NIM1K: variants seen among roughly 807,000 people sequenced by gnomAD.
NIM1K encodes NIM1 serine/threonine protein kinase, also known as serine/threonine-protein kinase NIM1.
NIM1K carries 35 observed loss-of-function variants against 37.1 expected under a neutral mutation model. That is an observed-to-expected ratio of 0.94 (90% CI 0.72 to 1.25). The LOEUF (loss-of-function observed/expected upper bound fraction) is 1.25, where lower values mean the gene tolerates loss of function less well. Among genes scored for constraint, NIM1K ranks in the 50% most tolerant of loss-of-function variants. NIM1K has a pLI of 0.00. For synonymous variants in NIM1K, 234 were observed against 206.6 expected, an observed-to-expected ratio of 1.13 and a Z score of -1.14; for missense variants, 564 against 548.0, an observed-to-expected ratio of 1.03 and a Z score of -0.29.
At chr5:43,276,998 T>A (rs1157556297) in intron 2 of NIM1K, 59 bp from the exon 3 acceptor site, 1 of 1,561,484 alleles carries the variant, frequency 6.4e-7, no homozygotes, top group Non-Finnish European at 8.7e-7. Flanking sequence ...CCAGGTCCTC[T>A]CCAGTTCTAA....
At chr5:43,223,688 C>T (rs1752412844) in intron 1 of NIM1K, among the ~76,000 whole-genome samples, 2 of 152,162 alleles carry the variant, frequency 1.3e-5, no homozygotes, top group Non-Finnish European at 2.9e-5. Flanking sequence ...AAATCAGCTT[C>T]ACTCCAGAGG....
intron 2 of NIM1K, among the ~76,000 whole-genome samples, chr5:43,259,845 C>T (rs977009420): frequency 1.3e-5 from 2 of 152,012 alleles, no homozygotes; most frequent in African/African-American, 2.4e-5. Context: ...GGGTCTTAGT[C>T]ACAAATTCTT....
intron 1 of NIM1K, among the ~76,000 whole-genome samples, chr5:43,220,893 G>A (rs1235704499): frequency 6.6e-6 from 1 of 152,176 alleles, no homozygotes; most frequent in East Asian, 1.9e-4. Context: ...GGGGGGACAT[G>A]AGAGAAGAAG....
intron 1 of NIM1K, among the ~76,000 whole-genome samples, chr5:43,243,812 G>C (rs907024715): frequency 6.6e-6 from 1 of 152,094 alleles, no homozygotes; most frequent in Non-Finnish European, 1.5e-5. Flanking sequence ...GTGTAGCTGA[G>C]ACTACAGGTG....
chr5:43,272,198 G>A (rs1478699677), intron 2 of NIM1K, among the ~76,000 whole-genome samples: 1 of 152,122 alleles, frequency 6.6e-6, no homozygotes, highest in Non-Finnish European at 1.5e-5. Context: ...TAACCCTAAT[G>A]TTTCAGGTCT....
Position 43,206,818 on chromosome 5 carries a change from T to G in NIM1K, c.-695+14407T>G. 3 of 767,656 alleles carry G rather than the reference T, an allele frequency of 3.9e-6. No homozygotes were observed. In the South Asian group the frequency reaches 4.0e-5, roughly 10 times the overall value. The allele number at this position is 767,656 out of a possible 1,614,324, so 47.6% of individuals were successfully genotyped here. A position where few individuals can be genotyped will look rare whatever the true frequency, so the allele number is the denominator to read the frequency against. On this transcript the variant is annotated intron_variant, in intron 1 of 3. Transcript: ENST00000326035. ...TTCCAGGATCAGGGGATGGTGGAGTTGGTGCACACCTGGAAGGACCATGGC... is the reference window on the plus strand; with the variant it reads ...TTCCAGGATCAGGGGATGGTGGAGTGGGTGCACACCTGGAAGGACCATGGC...
intron 1 of NIM1K, 110 bp from the exon 2 acceptor site, chr5:43,244,972 A>C (rs72752599): frequency 0.14 from 21,968 of 152,206 alleles, 1,937 homozygotes; most frequent in Middle Eastern, 0.22. Context: ...ATGAGTCATA[A>C]ATTTGTGGGG....
rs935262364 is a variant in NIM1K at position 43,238,998 on chromosome 5, G to T, written c.-694-6084G>T. On this transcript the variant is annotated intron_variant, in intron 1 of 3. Coordinates refer to ENST00000326035, the MANE Select transcript of NIM1K (RefSeq NM_153361.4). Reference sequence around the variant, plus strand: ...GGTCTCACTGCTCTAACTTCAAACAGTTTCCATGATTTTGATCCTGCTTTA... The same window carrying T: ...GGTCTCACTGCTCTAACTTCAAACATTTTCCATGATTTTGATCCTGCTTTA... 2.6e-5 allele frequency among the ~76,000 whole-genome samples: 4 copies of T among 151,628 alleles called. No individual in the cohort carries two copies. In the East Asian group the frequency reaches 5.8e-4, roughly 22 times the overall value.
chr5:43,201,322 T>C (rs1197564728), intron 1 of NIM1K, among the ~76,000 whole-genome samples: 1 of 150,992 alleles, frequency 6.6e-6, no homozygotes, highest in Admixed American at 6.6e-5. Context: ...GGCAGGAGAA[T>C]GGCGTGAACC....
intron 1 of NIM1K, among the ~76,000 whole-genome samples, chr5:43,197,977 GGAGTATTCCATAGTA>G (rs756269216): frequency 4.6e-5 from 7 of 152,174 alleles, no homozygotes; most frequent in Non-Finnish European, 7.4e-5. Flanking sequence ...TGATATTGAA[GGAGTATTCCATAGTA>G]GAGTAAGAGG....
rs182342237 is a variant in NIM1K, at chr5:43,212,165, G to A, written c.-695+19754G>A. ...TACTGTGGGATCCCAGGATGGAAAT[G>A]TAAAAGGATTGGGGTGGTGTGGAAG... On this transcript the variant is annotated intron_variant, in intron 1 of 3. Transcript: ENST00000326035. Among the ~76,000 whole-genome samples, 219 of 152,258 alleles carry A rather than the reference G, an allele frequency of 1.4e-3. 1 individual carries two copies. Among genetic ancestry groups the A allele is most frequent in the Non-Finnish European group, 2.8e-3 (188 of 68,004 alleles).
At chr5:43,197,960 G>A (rs974218975) in intron 1 of NIM1K, among the ~76,000 whole-genome samples, 8 of 152,150 alleles carry the variant, frequency 5.3e-5, no homozygotes, top group African/African-American at 1.7e-4. Flanking sequence ...AACTGAACAC[G>A]TCATCTTGAT....
At chr5:43,193,326 T>TCCTCCTCCTCTCCC (rs1211905360) in intron 1 of NIM1K, 3 of 149,372 alleles carry the variant, frequency 2.0e-5, no homozygotes, top group Admixed American at 6.7e-5. Context: ...CCTCCTTTCC[T>TCCTCCTCCTCTCCC]CCTCCTCCTC....
intron 1 of NIM1K, among the ~76,000 whole-genome samples, chr5:43,211,951 C>T (rs1354511853): frequency 6.6e-6 from 1 of 152,138 alleles, no homozygotes; most frequent in Non-Finnish European, 1.5e-5. Flanking sequence ...ACCACACATG[C>T]AACTCAAAAT....
At chr5:43,261,024 G>A (rs1753020262) in intron 2 of NIM1K, among the ~76,000 whole-genome samples, 1 of 152,100 alleles carries the variant, frequency 6.6e-6, no homozygotes, top group Non-Finnish European at 1.5e-5. Context: ...TGGACATTTG[G>A]GTTGGTTCCA....
intron 1 of NIM1K, among the ~76,000 whole-genome samples, chr5:43,216,758 A>C (rs1752305387): frequency 6.6e-6 from 1 of 152,218 alleles, no homozygotes; most frequent in Non-Finnish European, 1.5e-5. Context: ...AAATGGAGAT[A>C]GTTGTTGAGA....
intron 2 of NIM1K, among the ~76,000 whole-genome samples, chr5:43,273,349 G>A (rs1284014110): frequency 2.0e-5 from 3 of 151,864 alleles, no homozygotes; most frequent in Admixed American, 6.6e-5. Flanking sequence ...AATTACAGGC[G>A]GCTGCCACCA....
In NIM1K at chr5:43,246,033, C is replaced by T. The variant is rs373679697; in HGVS notation, c.258C>T (p.Ser86=). The T allele has an allele frequency of 6.2e-7, 1 of 1,613,626 alleles. No individual in the cohort carries two copies. Among genetic ancestry groups the T allele is most frequent in the Admixed American group, 1.7e-5 (1 of 59,988 alleles). The change falls in exon 2 of 4, where the codon TCC becomes TCT. Residue 86 remains serine, a synonymous_variant. Transcript: ENST00000326035. ...GGGAAATCGGAAGTGGAAACTTCTC[C>T]CAAGTGAAGCTTGGGATTCACTCCC... The part of the protein sequence containing the change: ...IRGEIGSGNF[S]QVKLGIHSLT...
At chr5:43,200,666 T>C (rs1752004493) in intron 1 of NIM1K, among the ~76,000 whole-genome samples, 1 of 152,042 alleles carries the variant, frequency 6.6e-6, no homozygotes, top group Admixed American at 6.6e-5. Flanking sequence ...TTACATGCAG[T>C]GATTGCTTGT....
Sources: allele counts gnomAD v4.1 joint callset (sites outside exome capture counted in the v4.1 genomes callset), GRCh38; gene constraint gnomAD v4.1.1; transcripts MANE v1.5; gene names NCBI Gene and HGNC (gene_info 2026-07-23, HGNC 2026-07-21).